The following PIGS variants were observed in gnomAD, a reference collection of about 807,000 sequenced individuals.
The protein encoded by PIGS is phosphatidylinositol glycan anchor biosynthesis class S.
In PIGS, 37 loss-of-function variants were observed where a neutral mutation model predicts 58.2. That is an observed-to-expected ratio of 0.64 (90% CI 0.49 to 0.84). The LOEUF is 0.84. Among genes scored for constraint, PIGS ranks in the 40% least tolerant of loss-of-function variants. The pLI is 0.00. For missense variants in PIGS, 629 were observed against 710.8 expected, an observed-to-expected ratio of 0.88 and a Z score of 1.31; for synonymous variants, 269 against 289.2, an observed-to-expected ratio of 0.93 and a Z score of 0.71.
chr17:28,555,038 G>A lies in PIGS; in HGVS notation c.1205C>T (p.Pro402Leu). ...AAGCAGGCATTTTGGAGGCAGCTGG[G>A]GCTGAGCAATCCCAAAGAGCAACCT... ...QLRLLFGIAQ[P>L]QLPPKCLLSG... is the part of the protein sequence containing the mutation. Residue 402 changes from proline (P) to leucine (L), a missense_variant, in exon 11 of 12, where the codon CCC (proline) becomes CTC (leucine). Pro to Leu is a moderately conservative substitution (Grantham distance 98, BLOSUM62 -3). Coordinates refer to ENST00000308360, the MANE Select transcript of PIGS (RefSeq NM_033198.4). The A allele has an allele frequency of 6.2e-7, 1 of 1,612,842 alleles. No individual in the cohort carries two copies. The highest frequency in any genetic ancestry group is 8.5e-7 in the Non-Finnish European group (1 of 1,179,408).
Position 28,560,105 on chromosome 17 carries a change from C to T in PIGS, c.763G>A (p.Val255Met), listed in dbSNP as rs796864790. 4 of 1,613,364 alleles carry T rather than the reference C, an allele frequency of 2.5e-6. No homozygotes were observed. The highest frequency in any genetic ancestry group is 3.3e-5 in the Admixed American group (2 of 59,850). ...CCGAGGGCATTCAGGAAAGGTTGCA[C>T]ATAGCGCCGGACAGCCCCCTCAATG... is the stretch of plus-strand genomic sequence containing the variant. ...WDIEGAVRRY[V>M]QPFLNALGAA... The change falls in exon 7 of 12, where the codon GTG becomes ATG. Residue 255 changes from valine (V) to methionine (M), a missense_variant. Coordinates refer to ENST00000308360, the MANE Select transcript of PIGS (RefSeq NM_033198.4).
intron 6 of PIGS, among the ~76,000 whole-genome samples, chr17:28,560,982 G>A (rs2070360239): frequency 6.6e-6 from 1 of 151,844 alleles, no homozygotes; most frequent in Non-Finnish European, 1.5e-5. Context: ...AATAGGCCAG[G>A]TGTGGTGGCT....
intron 10 of PIGS, chr17:28,555,330 C>T (rs2070319972): frequency 4.4e-6 from 2 of 449,452 alleles, no homozygotes; most frequent in African/African-American, 2.1e-5. Context: ...GGTTCCATGG[C>T]TAAAATACTT....
At chr17:28,562,799 C>A (rs1375479773) in intron 5 of PIGS, among the ~76,000 whole-genome samples, 1 of 152,178 alleles carries the variant, frequency 6.6e-6, no homozygotes, top group Non-Finnish European at 1.5e-5. Flanking sequence ...GCAACCTCCA[C>A]CTCCCAGGCT....
chr17:28,556,069 C>G, intron 10 of PIGS, 97 bp downstream of exon 10: 1 of 1,191,936 alleles, frequency 8.4e-7, no homozygotes, highest in Non-Finnish European at 1.2e-6. Context: ...CTAGGCACAG[C>G]CAAGATATCC....
Position 28,560,054 on chromosome 17 carries a change from A to G in PIGS, c.814T>C (p.Ser272Pro). 1.9e-6 allele frequency: 3 copies of G among 1,608,908 alleles called. No individual in the cohort carries two copies. The highest frequency in any genetic ancestry group is 2.5e-6 in the Non-Finnish European group (3 of 1,178,290). Reference protein sequence around the residue: ...LGAAGNFSVDSQILYYAMLGV... With the variant: ...LGAAGNFSVDPQILYYAMLGV... ...CAACTTGCTCCCGGTCTCACCTGAGAGTCCACAGAGAAGTTGCCAGCGGCA... is the reference window on the plus strand; with the variant it reads ...CAACTTGCTCCCGGTCTCACCTGAGGGTCCACAGAGAAGTTGCCAGCGGCA... The change falls in exon 7 of 12, where the codon TCT becomes CCT. Residue 272 changes from serine (S) to proline (P), a missense_variant. Transcript: ENST00000308360.
intron 3 of PIGS, among the ~76,000 whole-genome samples, chr17:28,568,541 T>C (rs2070406821): frequency 6.6e-6 from 1 of 152,238 alleles, no homozygotes. Context: ...GTCTAACAGA[T>C]GAGGAAACCA....
intron 7 of PIGS, among the ~76,000 whole-genome samples, chr17:28,558,945 C>T (rs942409654): frequency 6.6e-6 from 1 of 152,176 alleles, no homozygotes; most frequent in African/African-American, 2.4e-5. Flanking sequence ...CGTGTTTTCC[C>T]TACAAGGAGA....
chr17:28,569,474 CAAAAAAAA>C (rs767305172), intron 3 of PIGS, among the ~76,000 whole-genome samples: 3 of 66,112 alleles, frequency 4.5e-5, no homozygotes, highest in African/African-American at 1.7e-4. Flanking sequence ...GACCCTTTCT[CAAAAAAAA>C]AAAAAAAAAA....
intron 5 of PIGS, chr17:28,561,852 AG>A: frequency 2.0e-6 from 1 of 508,374 alleles, no homozygotes; most frequent in Non-Finnish European, 3.5e-6. Context: ...ACATGGGTCC[AG>A]GCAGCATCTA....
At chr17:28,561,126 C>T (rs975715862) in intron 6 of PIGS, among the ~76,000 whole-genome samples, 1 of 151,848 alleles carries the variant, frequency 6.6e-6, no homozygotes, top group Admixed American at 6.6e-5. Flanking sequence ...GGAGTGGTGG[C>T]GGGCACCTGT....
chr17:28,554,855 G>C lies in PIGS; in HGVS notation c.1388C>G (p.Ser463Cys). The change falls in exon 11 of 12, where the codon TCT (serine) becomes TGT (cysteine). Residue 463 changes from serine (S) to cysteine (C), a missense_variant. By Grantham distance (112) the Ser-to-Cys change is moderately radical (BLOSUM62 -1). Transcript: ENST00000308360. The stretch of plus-strand genomic sequence containing the variant: ...ATCCATCCCCTGCCTGCTTACCTCA[G>C]ATGCCACGTCGTCCTTAATGACAAT... ...SNIVIKDDVA[S>C]EVYKAVAAVQ... The C allele has an allele frequency of 1.2e-6, 2 of 1,614,166 alleles. No individual in the cohort carries two copies. The highest frequency in any genetic ancestry group is 8.5e-7 in the Non-Finnish European group (1 of 1,180,036).
At chr17:28,558,454 A>T in intron 8 of PIGS, 22 bp downstream of exon 8, 1 of 1,572,658 alleles carries the variant, frequency 6.4e-7, no homozygotes, top group Non-Finnish European at 8.7e-7. Flanking sequence ...GAAAAGAAAG[A>T]CCCTCATCCT....
In PIGS at chr17:28,560,050, T is replaced by C; in HGVS notation, c.818A>G (p.Gln273Arg). The change falls in exon 7 of 12, where the codon CAG becomes CGG. Residue 273 changes from glutamine to arginine, a missense_variant and splice_region_variant. Coordinates refer to ENST00000308360, the MANE Select transcript of PIGS (RefSeq NM_033198.4). ...GAAGNFSVDS[Q>R]ILYYAMLGVN... ...TCCTCAACTTGCTCCCGGTCTCACCTGAGAGTCCACAGAGAAGTTGCCAGC... is the reference window on the plus strand; with the variant it reads ...TCCTCAACTTGCTCCCGGTCTCACCCGAGAGTCCACAGAGAAGTTGCCAGC... 1 of 1,608,304 alleles carries C rather than the reference T, an allele frequency of 6.2e-7. No individual in the cohort carries two copies. Among genetic ancestry groups the C allele is most frequent in the Non-Finnish European group, 8.5e-7 (1 of 1,178,076 alleles).
chr17:28,564,005 A>C, intron 3 of PIGS, 98 bp from the exon 4 acceptor site: 1 of 1,029,160 alleles, frequency 9.7e-7, no homozygotes, highest in Non-Finnish European at 1.5e-6. Context: ...GGACAGCAAG[A>C]TGGCTGTTTA....
intron 6 of PIGS, 139 bp from the exon 7 acceptor site, chr17:28,560,330 AC>A (rs2070355894): frequency 9.4e-7 from 1 of 1,066,678 alleles, no homozygotes; most frequent in Non-Finnish European, 1.3e-6. Context: ...GGAGGACAAA[AC>A]TGGGATGAGG....
At position 28,556,859 on chromosome 17, in the gene PIGS, C is replaced by T; in HGVS notation, c.1048G>A (p.Ala350Thr). The change falls in exon 9 of 12, where the codon GCC becomes ACC. Residue 350 changes from alanine to threonine, a missense_variant. Coordinates refer to ENST00000308360, the MANE Select transcript of PIGS (RefSeq NM_033198.4). ...CCACCCCAGCGGGGACTATGGAAGGCATTGGTGGCCACTGGAGCGCCATCC... is the reference window on the plus strand; with the variant it reads ...CCACCCCAGCGGGGACTATGGAAGGTATTGGTGGCCACTGGAGCGCCATCC... ...DKDGAPVATN[A>T]FHSPRWGGIM... is the part of the protein sequence containing the mutation. 6.2e-7 allele frequency: 1 copy of T among 1,614,128 alleles called. No homozygotes were observed. The highest frequency in any genetic ancestry group is 8.5e-7 in the Non-Finnish European group (1 of 1,180,016).
chr17:28,554,103 G>A lies in PIGS; in HGVS notation c.*117C>T, dbSNP rs1597581909. 1 of 1,359,464 alleles carries A rather than the reference G, an allele frequency of 7.4e-7. No individual in the cohort carries two copies. Among genetic ancestry groups the A allele is most frequent in the East Asian group, 2.3e-5 (1 of 43,408 alleles). The allele number at this position is 1,359,464 out of a possible 1,614,324, so 84.2% of individuals were successfully genotyped here. A position where few individuals can be genotyped will look rare whatever the true frequency, so the allele number is the denominator to read the frequency against. ...TACTTTGGTTGCTGGAGAGCCAACAGTGGAGACTGGAGACAAATATTTAAG... is the reference window on the plus strand; with the variant it reads ...TACTTTGGTTGCTGGAGAGCCAACAATGGAGACTGGAGACAAATATTTAAG... On this transcript the variant is annotated 3_prime_UTR_variant, in exon 12 of 12. Transcript: ENST00000308360.
intron 9 of PIGS, 200 bp downstream of exon 9, chr17:28,556,627 T>C (rs1180288908): frequency 2.9e-6 from 2 of 699,184 alleles, no homozygotes; most frequent in Admixed American, 5.4e-5. Flanking sequence ...GGTCACAGTA[T>C]AGAAAACACT....
Sources: allele counts gnomAD v4.1 joint callset (sites outside exome capture counted in the v4.1 genomes callset), GRCh38; gene constraint gnomAD v4.1.1; transcripts MANE v1.5; gene names NCBI Gene and HGNC (gene_info 2026-07-23, HGNC 2026-07-21).